CFAP70: variants seen among roughly 807,000 people sequenced by gnomAD.
CFAP70 encodes the protein cilia- and flagella-associated protein 70.
Under a neutral mutation model 137.6 loss-of-function variants are expected in CFAP70, and 81 were observed. The ratio of observed to expected loss-of-function variants is 0.59; its 90% CI spans 0.49 to 0.71. The LOEUF is 0.71. Ranked by LOEUF, CFAP70 falls within the 30% of genes least tolerant of loss-of-function variation. CFAP70 has a pLI of 0.00. For missense variants in CFAP70, 976 were observed against 1,226.7 expected (o/e 0.80, Z 3.05); for synonymous variants, 382 against 423.6 (o/e 0.90, Z 1.20).
intron 9 of CFAP70, among the ~76,000 whole-genome samples, chr10:73,318,139 C>G (rs766157365): frequency 1.2e-4 from 18 of 152,246 alleles, no homozygotes; most frequent in Non-Finnish European, 2.6e-4. Flanking sequence ...GTGGGGAAGG[C>G]AGAGCAGCCC....
At chr10:73,325,383 T>A (rs1237350235) in intron 8 of CFAP70, among the ~76,000 whole-genome samples, 1 of 152,190 alleles carries the variant, frequency 6.6e-6, no homozygotes, top group Non-Finnish European at 1.5e-5. Context: ...TGCAAAATCA[T>A]GCCAAATTGT....
At chr10:73,322,942 T>G (rs753469026) in intron 9 of CFAP70, 21 bp downstream of exon 10, 2 of 1,571,840 alleles carry the variant, frequency 1.3e-6, no homozygotes, top group South Asian at 2.4e-5. Context: ...CCATGATGAT[T>G]TTTATGCAAT....
At chr10:73,343,686 G>A (rs529554885) in intron 5 of CFAP70, among the ~76,000 whole-genome samples, 1 of 152,160 alleles carries the variant, frequency 6.6e-6, no homozygotes, top group Non-Finnish European at 1.5e-5. Context: ...TCTAGCCTGG[G>A]CGACAGAGTG....
intron 19 of CFAP70, among the ~76,000 whole-genome samples, chr10:73,279,894 A>T (rs2047133442): frequency 1.3e-5 from 2 of 152,092 alleles, no homozygotes; most frequent in Admixed American, 1.3e-4. Flanking sequence ...AACCTTTAAA[A>T]ATTGCCGTTT....
At chr10:73,353,667 T>C in exon 3 of CFAP70, 1 of 1,614,204 alleles carries the variant, frequency 6.2e-7, no homozygotes, top group Non-Finnish European at 8.5e-7. Flanking sequence ...ACAGTAATTT[T>C]TGCAGAGTCT....
intron 5 of CFAP70, among the ~76,000 whole-genome samples, chr10:73,343,408 G>T (rs2053444782): frequency 6.6e-6 from 1 of 151,500 alleles, no homozygotes; most frequent in African/African-American, 2.4e-5. Context: ...TAAGACTACT[G>T]CATAAAACTA....
intron 26 of CFAP70, among the ~76,000 whole-genome samples, chr10:73,255,366 G>T (rs974068668): frequency 2.6e-5 from 4 of 152,048 alleles, no homozygotes; most frequent in Admixed American, 6.5e-5. Context: ...CTGCACTCCA[G>T]CCTGGGAGAC....
chr10:73,327,829 A>C (rs2051629289), intron 8 of CFAP70, among the ~76,000 whole-genome samples: 2 of 152,302 alleles, frequency 1.3e-5, no homozygotes, highest in East Asian at 3.9e-4. Flanking sequence ...CTGCTCAACA[A>C]AATAAAAGAG....
At chr10:73,311,682 A>G in intron 11 of CFAP70, 152 bp downstream of exon 12, 1 of 696,512 alleles carries the variant, frequency 1.4e-6, no homozygotes, top group Non-Finnish European at 2.5e-6. Flanking sequence ...TCAACAAGAC[A>G]AAGAAATTTG....
intron 19 of CFAP70, among the ~76,000 whole-genome samples, chr10:73,279,327 A>T (rs1221954851): frequency 6.6e-6 from 1 of 151,712 alleles, no homozygotes. Flanking sequence ...GATCAAGACC[A>T]TTCTAGCTAA....
chr10:73,263,353 G>T (rs1049873839), intron 25 of CFAP70, among the ~76,000 whole-genome samples: 1 of 152,118 alleles, frequency 6.6e-6, no homozygotes, highest in Non-Finnish European at 1.5e-5. Context: ...AAAGTGCCGG[G>T]ATTACAGGCA....
intron 12 of CFAP70, among the ~76,000 whole-genome samples, chr10:73,306,846 G>T (rs539987522): frequency 6.6e-6 from 1 of 152,256 alleles, no homozygotes; most frequent in East Asian, 1.9e-4. Context: ...AACGCTAAAG[G>T]GAGTCCTTCA....
intron 11 of CFAP70, among the ~76,000 whole-genome samples, chr10:73,310,887 TTC>T (rs1394856969): frequency 6.6e-6 from 1 of 152,184 alleles, no homozygotes; most frequent in Non-Finnish European, 1.5e-5. Context: ...GTTTCTGACT[TTC>T]TTTACTACAA....
intron 19 of CFAP70, among the ~76,000 whole-genome samples, chr10:73,289,801 T>C (rs907158514): frequency 6.6e-6 from 1 of 151,896 alleles, no homozygotes; most frequent in Admixed American, 6.5e-5. Context: ...ATCCCAGCAC[T>C]TTGGGAGGCC....
intron 12 of CFAP70, among the ~76,000 whole-genome samples, chr10:73,300,543 A>G (rs957836610): frequency 1.3e-5 from 2 of 152,130 alleles, no homozygotes; most frequent in African/African-American, 4.8e-5. Context: ...TCCTCTCCAG[A>G]GACAATGTTA....
chr10:73,311,295 G>T (rs2049901519), intron 11 of CFAP70, among the ~76,000 whole-genome samples: 1 of 152,162 alleles, frequency 6.6e-6, no homozygotes, highest in Non-Finnish European at 1.5e-5. Flanking sequence ...CCCTGGCTCT[G>T]AAATGCCTCT....
intron 25 of CFAP70, among the ~76,000 whole-genome samples, chr10:73,260,222 G>A (rs2045014099): frequency 6.6e-6 from 1 of 151,882 alleles, no homozygotes; most frequent in Non-Finnish European, 1.5e-5. Context: ...GAGTGGTGGT[G>A]CATGCCTGTA....
chr10:73,283,022 A>G (rs755378896), intron 19 of CFAP70, among the ~76,000 whole-genome samples: 2 of 150,742 alleles, frequency 1.3e-5, no homozygotes, highest in Non-Finnish European at 3.0e-5. Context: ...TAGTAGAGAC[A>G]GGGTTTCCCC....
chr10:73,312,782 C>CAATGAAGTCT, intron 9 of CFAP70, 139 bp from the exon 11 acceptor site: 2 of 746,270 alleles, frequency 2.7e-6, no homozygotes, highest in Non-Finnish European at 4.2e-6. Context: ...ACTTGAAAGA[C>CAATGAAGTCT]TTCATTGTAT....
Sources: gnomAD v4.1 joint callset for allele counts (sites outside exome capture counted in the v4.1 genomes callset) on GRCh38, gnomAD v4.1.1 for gene constraint, MANE v1.5 for transcripts, NCBI Gene and HGNC (gene_info 2026-07-23, HGNC 2026-07-21) for gene names.